Variants in NHS observed in about 807,000 individuals in gnomAD.
NHS encodes NHS actin remodeling regulator, also known as actin remodeling regulator NHS.
In NHS, 5 loss-of-function variants were observed where a neutral mutation model predicts 72.5. The ratio of observed to expected loss-of-function variants is 0.07; its 90% CI spans 0.04 to 0.14. The LOEUF (loss-of-function observed/expected upper bound fraction) is 0.14, where lower values mean the gene tolerates loss of function less well. Ranked by LOEUF, NHS falls within the 10% of genes least tolerant of loss-of-function variation. The pLI is 1.00. For missense variants in NHS, 1,072 were observed against 1,355.7 expected, an observed-to-expected ratio of 0.79 and a Z score of 3.29; for synonymous variants, 464 against 547.7, an observed-to-expected ratio of 0.85 and a Z score of 2.13.
At chrX:17,390,581 G>C (rs1209337322) in intron 1 of NHS, among the ~76,000 whole-genome samples, 1 of 111,724 alleles carries the variant, frequency 9.0e-6, no homozygotes, top group Non-Finnish European at 1.9e-5. Flanking sequence ...GCGGCAATGT[G>C]GGGGAGAAGT....
rs765660423 is a variant in NHS at position 17,685,328 on chromosome X, T to C, written c.566-2414T>C. Among the ~76,000 whole-genome samples, 11 of 111,845 alleles carry C rather than the reference T, an allele frequency of 9.8e-5. No homozygotes were observed. In the South Asian group the frequency reaches 4.1e-3, roughly 42 times the overall value. ...CTGCTAATGTGTGGCAGAAATCCGATATAGCTTCTCAATGGAGAAAGAAAA... is the reference window on the plus strand; with the variant it reads ...CTGCTAATGTGTGGCAGAAATCCGACATAGCTTCTCAATGGAGAAAGAAAA... On this transcript the variant is annotated intron_variant, in intron 1 of 8. Transcript: ENST00000676302.
At chrX:17,555,154 G>A (rs1287891785) in intron 1 of NHS, among the ~76,000 whole-genome samples, 1 of 110,400 alleles carries the variant, frequency 9.1e-6, no homozygotes, top group East Asian at 2.8e-4. Context: ...TCCTTTCAGG[G>A]AGTTCATTGT....
chrX:17,693,023 C>T (rs779492577), intron 3 of NHS, among the ~76,000 whole-genome samples: 1 of 111,737 alleles, frequency 8.9e-6, no homozygotes, highest in East Asian at 2.8e-4. Context: ...TTAAGTGATA[C>T]GAAAAATTAC....
At chrX:17,690,365 C>T (rs1417511419) in intron 2 of NHS, among the ~76,000 whole-genome samples, 1 of 112,259 alleles carries the variant, frequency 8.9e-6, no homozygotes, top group Non-Finnish European at 1.9e-5. Context: ...GTGAGCATCC[C>T]TGTAGGTTCT....
At chrX:17,696,502 G>A (rs1490065011) in intron 3 of NHS, among the ~76,000 whole-genome samples, 3 of 112,234 alleles carry the variant, frequency 2.7e-5, no homozygotes, top group Non-Finnish European at 3.8e-5. Flanking sequence ...AGCTGTAACA[G>A]GTAGCCTGTT....
intron 1 of NHS, among the ~76,000 whole-genome samples, chrX:17,648,365 T>G (rs112147118): frequency 8.9e-6 from 1 of 111,956 alleles, no homozygotes; most frequent in Non-Finnish European, 1.9e-5. Flanking sequence ...GGTGCCAAGA[T>G]CAGCAGAAGC....
At chrX:17,517,391 G>A (rs1440125929) in intron 1 of NHS, among the ~76,000 whole-genome samples, 1 of 112,351 alleles carries the variant, frequency 8.9e-6, no homozygotes. Flanking sequence ...GTTGGAGCCA[G>A]GTTGAGAATC....
chrX:17,459,481 C>T (rs1252674591), intron 1 of NHS, among the ~76,000 whole-genome samples: 2 of 112,440 alleles, frequency 1.8e-5, no homozygotes, highest in African/African-American at 6.5e-5. Context: ...CACAAGTTTA[C>T]AAGAATTGTA....
In NHS at chrX:17,584,066, A is replaced by G. The variant is rs754551868; in HGVS notation, c.566-103676A>G. Among the ~76,000 whole-genome samples, 10 of 111,882 alleles carry G rather than the reference A, an allele frequency of 8.9e-5. No homozygotes were observed. The East Asian group carries it at 2.8e-3, about 31-fold the overall frequency. ...GGATAATTTGTTTGCTGAGACAGGC[A>G]GTCCTGTGTCTCTGTAAGAAGACCA... On this transcript the variant is annotated intron_variant, in intron 1 of 8. Coordinates refer to ENST00000676302, the MANE Select transcript of NHS (RefSeq NM_001291867.2).
At chrX:17,408,679 T>C (rs548926434) in intron 1 of NHS, among the ~76,000 whole-genome samples, 1 of 111,919 alleles carries the variant, frequency 8.9e-6, no homozygotes, top group South Asian at 3.8e-4. Flanking sequence ...TGAGAGAATT[T>C]TTTTTCCAAG....
chrX:17,429,373 G>A (rs1261673155), intron 1 of NHS, among the ~76,000 whole-genome samples: 3 of 111,232 alleles, frequency 2.7e-5, no homozygotes, highest in East Asian at 2.8e-4. Context: ...GTATTCCTGC[G>A]GGCAATTCCA....
intron 1 of NHS, among the ~76,000 whole-genome samples, chrX:17,494,076 C>CTTT (rs749475125): frequency 0.014 from 1,035 of 73,273 alleles, 18 homozygotes; most frequent in Middle Eastern, 0.058. Context: ...TCCTGGATGA[C>CTTT]TTTTTTTTTT....
chrX:17,492,501 CTT>C (rs760814692), intron 1 of NHS, among the ~76,000 whole-genome samples: 3 of 112,250 alleles, frequency 2.7e-5, no homozygotes, highest in Admixed American at 9.5e-5. Context: ...CTGAGTGACT[CTT>C]TGTTATGATT....
At chrX:17,430,110 C>CCTTCCTTT (rs1361713438) in intron 1 of NHS, among the ~76,000 whole-genome samples, 7 of 99,595 alleles carry the variant, frequency 7.0e-5, no homozygotes, top group Non-Finnish European at 1.4e-4. Flanking sequence ...TTCCTTCCTT[C>CCTTCCTTT]CTTCCTTTCC....
intron 1 of NHS, among the ~76,000 whole-genome samples, chrX:17,546,824 G>A (rs954878955): frequency 1.8e-5 from 2 of 112,692 alleles, no homozygotes; most frequent in African/African-American, 6.4e-5. Flanking sequence ...GAAGAAAAAT[G>A]AGAGGAGGAG....
At chrX:17,712,284 TATATATAC>T (rs1319431147) in intron 3 of NHS, among the ~76,000 whole-genome samples, 18 of 76,707 alleles carry the variant, frequency 2.3e-4, no homozygotes, top group East Asian at 8.3e-4. Flanking sequence ...TATATATATA[TATATATAC>T]ACACACACAC....
In NHS at chrX:17,692,362, A is replaced by G. The variant is rs2066202177; in HGVS notation, c.746A>G (p.Glu249Gly). The change falls in exon 3 of 9, where the codon GAG becomes GGG. Residue 249 changes from glutamate to glycine, a missense_variant. By Grantham distance (98) the Glu-to-Gly change is moderately conservative. Coordinates refer to ENST00000676302, the MANE Select transcript of NHS (RefSeq NM_001291867.2). The part of the protein sequence containing the change: ...REHRSRSDRR[E>G]QRAAAPLSIA... The stretch of plus-strand genomic sequence containing the variant: ...CACCGGAGCCGGAGCGATCGCCGAG[A>G]GCAAAGAGCAGCTGCCCCCCTTTCC... 8.3e-7 allele frequency: 1 copy of G among 1,207,512 alleles called. No homozygotes were observed. The highest frequency in any genetic ancestry group is 1.1e-6 in the Non-Finnish European group (1 of 894,599).
intron 1 of NHS, among the ~76,000 whole-genome samples, chrX:17,673,287 G>C (rs756233998): frequency 9.2e-6 from 1 of 108,706 alleles, no homozygotes; most frequent in South Asian, 4.1e-4. Context: ...TTACATAAGA[G>C]GGTTAGGCTT....
intron 1 of NHS, among the ~76,000 whole-genome samples, chrX:17,406,685 G>A (rs993144506): frequency 1.3e-4 from 14 of 111,964 alleles, no homozygotes; most frequent in Admixed American, 2.8e-4. Flanking sequence ...CTGTGTGTGC[G>A]CTTGCTAGGA....
Sources: allele counts gnomAD v4.1 joint callset (sites outside exome capture counted in the v4.1 genomes callset), GRCh38; gene constraint gnomAD v4.1.1; transcripts MANE v1.5; gene names NCBI Gene and HGNC (gene_info 2026-07-23, HGNC 2026-07-21).